The following CTNNA3 variants were observed in gnomAD, a reference collection of about 807,000 sequenced individuals.
CTNNA3 encodes catenin alpha 3.
A neutral mutation model predicts 95.7 loss-of-function variants in CTNNA3; 76 were observed. That is an observed-to-expected ratio of 0.79 (90% CI 0.66 to 0.96). The LOEUF (loss-of-function observed/expected upper bound fraction) is 0.96. Ranked by LOEUF, CTNNA3 falls within the 40% of genes least tolerant of loss-of-function variation. The pLI, the probability that CTNNA3 is intolerant of heterozygous loss-of-function variation, is 0.00. For missense variants in CTNNA3, 1,191 were observed against 1,089.8 expected (o/e 1.09, Z -1.31); for synonymous variants, 431 against 374.4 (o/e 1.15, Z -1.74).
intron 1 of CTNNA3, among the ~76,000 whole-genome samples, chr10:67,691,348 C>T (rs1840848078): frequency 2.0e-5 from 3 of 151,496 alleles, no homozygotes; most frequent in Non-Finnish European, 2.9e-5. Flanking sequence ...TCCGCCTGGC[C>T]GCCCATCATC....
intron 5 of CTNNA3, among the ~76,000 whole-genome samples, chr10:67,357,136 T>C (rs1842839041): frequency 6.6e-6 from 1 of 152,084 alleles, no homozygotes; most frequent in African/African-American, 2.4e-5. Flanking sequence ...CCCACTAGTG[T>C]AAACTATCCA....
rs186745144 is a variant in CTNNA3, at chr10:65,935,364, G to A, written c.2401-14747C>T. On this transcript the variant is annotated intron_variant, in intron 17 of 17. Transcript: ENST00000433211. Reference sequence around the variant, plus strand: ...TAACTTGGTTTTTTTTAATCTTATCGTTCTGCTTATAATCATGCCATGCTT... The same window carrying A: ...TAACTTGGTTTTTTTTAATCTTATCATTCTGCTTATAATCATGCCATGCTT... 5.1e-4 allele frequency among the ~76,000 whole-genome samples: 77 copies of A among 152,046 alleles called. 1 individual carries two copies. The East Asian group carries it at 9.3e-3, about 18-fold the overall frequency.
At chr10:66,244,182 G>C (rs1376225948) in intron 13 of CTNNA3, among the ~76,000 whole-genome samples, 1 of 152,222 alleles carries the variant, frequency 6.6e-6, no homozygotes, top group Non-Finnish European at 1.5e-5. Context: ...AAGAGGTAGG[G>C]AAGAATGGGA....
At position 65,917,762 on chromosome 10, in the gene CTNNA3, C is replaced by T. The variant is rs535006897; in HGVS notation, c.*2568G>A. On this transcript the variant is annotated 3_prime_UTR_variant, in exon 18 of 18. Coordinates refer to ENST00000433211, the MANE Select transcript of CTNNA3 (RefSeq NM_013266.4). ...TTAAGAAATTTCTGGCAATCCTCTG[C>T]AGAAGAAATACCTAAATATAAATGT... is the stretch of plus-strand genomic sequence containing the variant. 2 of 152,030 alleles carry T rather than the reference C, an allele frequency of 1.3e-5. No individual in the cohort carries two copies. The highest frequency in any genetic ancestry group is 1.3e-4 in the Admixed American group (2 of 15,242). 9.4% of individuals were successfully genotyped at this position (152,030 alleles called of 1,614,324 possible).
At chr10:67,727,665 T>C (rs1841246087) in intron 1 of CTNNA3, among the ~76,000 whole-genome samples, 1 of 127,850 alleles carries the variant, frequency 7.8e-6, no homozygotes, top group East Asian at 2.1e-4. Flanking sequence ...ATATGATATA[T>C]AATATAATAT....
intron 7 of CTNNA3, among the ~76,000 whole-genome samples, chr10:67,078,291 A>G (rs1194981933): frequency 6.6e-6 from 1 of 152,192 alleles, no homozygotes; most frequent in Admixed American, 6.5e-5. Context: ...CTGTACCACT[A>G]TAGTGCCTAC....
In CTNNA3 at chr10:67,597,137, G is replaced by T. The variant is rs181561820; in HGVS notation, c.292+9720C>A. Among the ~76,000 whole-genome samples the T allele has an allele frequency of 2.6e-3, 400 of 152,146 alleles. 2 individuals carry two copies. Among genetic ancestry groups the T allele is most frequent in the African/African-American group, 9.3e-3 (386 of 41,508 alleles). ...ATCAGTTTGGTTCTTTCTTAAAATGGCTATTTTATCTTTCAGCTCTTGAAT... is the reference window on the plus strand; with the variant it reads ...ATCAGTTTGGTTCTTTCTTAAAATGTCTATTTTATCTTTCAGCTCTTGAAT... On this transcript the variant is annotated intron_variant, in intron 3 of 17. Transcript: ENST00000433211.
intron 7 of CTNNA3, among the ~76,000 whole-genome samples, chr10:67,046,034 G>T (rs1854722232): frequency 6.6e-6 from 1 of 152,106 alleles, no homozygotes; most frequent in South Asian, 2.1e-4. Context: ...AAATAAAAGT[G>T]AAAAAGAAAT....
chr10:67,520,167 C>A (rs1246047577), intron 5 of CTNNA3, among the ~76,000 whole-genome samples: 1 of 152,136 alleles, frequency 6.6e-6, no homozygotes, highest in Non-Finnish European at 1.5e-5. Flanking sequence ...TTAAATCATA[C>A]CATGTGCCAT....
intron 7 of CTNNA3, among the ~76,000 whole-genome samples, chr10:67,095,586 T>C (rs1049597727): frequency 2.6e-5 from 4 of 151,810 alleles, no homozygotes; most frequent in Admixed American, 2.0e-4. Flanking sequence ...ACAGAATAAA[T>C]GTATCATGGT....
intron 12 of CTNNA3, among the ~76,000 whole-genome samples, chr10:66,303,271 G>C (rs1237898382): frequency 6.6e-6 from 1 of 151,828 alleles, no homozygotes; most frequent in Non-Finnish European, 1.5e-5. Context: ...AACAAACCCA[G>C]AGCAAAGGTT....
At chr10:66,477,180 A>G (rs934453515) in intron 11 of CTNNA3, among the ~76,000 whole-genome samples, 2 of 152,134 alleles carry the variant, frequency 1.3e-5, no homozygotes, top group Non-Finnish European at 2.9e-5. Flanking sequence ...TTTGATATAC[A>G]TCAATTTTTA....
At chr10:67,528,680 T>A (rs556803628) in intron 4 of CTNNA3, among the ~76,000 whole-genome samples, 1 of 152,308 alleles carries the variant, frequency 6.6e-6, no homozygotes, top group East Asian at 1.9e-4. Flanking sequence ...TTACTTTTTA[T>A]CTAGTCTGTA....
chr10:66,332,806 C>A (rs1465118148), intron 12 of CTNNA3, among the ~76,000 whole-genome samples: 1 of 152,138 alleles, frequency 6.6e-6, no homozygotes, highest in Admixed American at 6.5e-5. Context: ...GGAATGGTAC[C>A]AGCTCCTCCT....
At chr10:66,816,699 C>T (rs1842104218) in intron 7 of CTNNA3, among the ~76,000 whole-genome samples, 1 of 152,044 alleles carries the variant, frequency 6.6e-6, no homozygotes, top group Non-Finnish European at 1.5e-5. Context: ...TTATAGAACA[C>T]TCCATCTAAA....
intron 13 of CTNNA3, among the ~76,000 whole-genome samples, chr10:66,160,094 G>A (rs1184885182): frequency 2.0e-5 from 3 of 151,802 alleles, no homozygotes; most frequent in African/African-American, 7.3e-5. Context: ...CTTGCTGATG[G>A]TTTATCAGTT....
chr10:67,275,656 CA>C (rs1043442361), intron 5 of CTNNA3, among the ~76,000 whole-genome samples: 19 of 151,906 alleles, frequency 1.3e-4, no homozygotes, highest in Admixed American at 1.2e-3. Flanking sequence ...CCTCTAAATT[CA>C]AAAAAAGTGG....
chr10:66,389,834 G>T (rs1298675591), intron 11 of CTNNA3, among the ~76,000 whole-genome samples: 1 of 151,910 alleles, frequency 6.6e-6, no homozygotes, highest in African/African-American at 2.4e-5. Flanking sequence ...AAACTCTTGG[G>T]CCCAAGTGAT....
Position 65,948,292 on chromosome 10 carries a change from A to AG in CTNNA3, c.2400+18319_2400+18320insC, listed in dbSNP as rs761681286. On this transcript the variant is annotated intron_variant, in intron 17 of 17. Transcript: ENST00000433211. Reference sequence around the variant, plus strand: ...CGAGACTCCATCTCAAAAAAAAAAAAAAAAAAAGAAAGAAAGAAATACCAC... The same window carrying AG: ...CGAGACTCCATCTCAAAAAAAAAAAAGAAAAAAAGAAAGAAAGAAATACCAC... Among the ~76,000 whole-genome samples, 163 of 150,758 alleles carry AG rather than the reference A, an allele frequency of 1.1e-3. 1 individual carries two copies. In the East Asian group the frequency reaches 0.026, roughly 24 times the overall value.
Sources: gnomAD v4.1 joint callset for allele counts (sites outside exome capture counted in the v4.1 genomes callset) on GRCh38, gnomAD v4.1.1 for gene constraint, MANE v1.5 for transcripts, NCBI Gene and HGNC (gene_info 2026-07-23, HGNC 2026-07-21) for gene names.